SYBU: variants seen among roughly 807,000 people sequenced by gnomAD.
SYBU encodes the protein syntabulin.
In SYBU, 21 loss-of-function variants were observed where a neutral mutation model predicts 35.9. The observed-to-expected ratio is 0.58, with a 90% confidence interval of 0.41 to 0.84. The LOEUF is 0.84. Ranked by LOEUF, SYBU falls within the 40% of genes least tolerant of loss-of-function variation. The pLI, the probability that SYBU is intolerant of heterozygous loss-of-function variation, is 0.00. For synonymous variants in SYBU, 319 were observed against 324.3 expected (o/e 0.98, Z 0.18); for missense variants, 768 against 848.2 (o/e 0.91, Z 1.17).
intron 2 of SYBU, among the ~76,000 whole-genome samples, chr8:109,630,271 C>G (rs10095527): frequency 0.01 from 1,089 of 107,364 alleles, 13 homozygotes; most frequent in African/African-American, 0.034. Flanking sequence ...TGGGGACTGT[C>G]GTGGGGTGGG....
chr8:109,645,633 G>GTTTTTTTTTTTTTTT (rs77642059), upstream of SYBU: 1 of 217,766 alleles, frequency 4.6e-6, no homozygotes, highest in Non-Finnish European at 9.1e-6. Context: ...TTCGTTTTTT[G>GTTTTTTTTTTTTTTT]TTTTTTTTTT....
chr8:109,649,663 C>A (rs1190284531), upstream of SYBU, among the ~76,000 whole-genome samples: 1 of 152,118 alleles, frequency 6.6e-6, no homozygotes, highest in South Asian at 2.1e-4. Flanking sequence ...GAGATAGCCT[C>A]CCCCAAAATG....
chr8:109,691,082 C>CAACCAATCA lies in SYBU; in HGVS notation c.-58+242_-58+250dup, dbSNP rs1023728994. On this transcript the variant is annotated intron_variant, in intron 1 of 7. Transcript: ENST00000422135. This position sits in a 1 kb window ranked among gnomAD's most constrained non-coding sequence, Gnocchi z 4.7. ...AAGGAGTCCAGCCCGACCGTCTCAA[C>CAACCAATCA]AACCAATCAAACCAATCAAACAGGA... Among the ~76,000 whole-genome samples, 1 of 152,206 alleles carries CAACCAATCA rather than the reference C, an allele frequency of 6.6e-6. No individual in the cohort carries two copies. The highest frequency in any genetic ancestry group is 1.5e-5 in the Non-Finnish European group (1 of 68,036).
At chr8:109,658,831 G>A (rs1025449454) in intron 1 of SYBU, among the ~76,000 whole-genome samples, 3 of 152,114 alleles carry the variant, frequency 2.0e-5, no homozygotes, top group Admixed American at 1.3e-4. Context: ...GCGCACGCCT[G>A]TAATCCCAGC....
At chr8:109,653,339 A>G (rs989177957) in intron 1 of SYBU, among the ~76,000 whole-genome samples, 1 of 152,128 alleles carries the variant, frequency 6.6e-6, no homozygotes, top group Non-Finnish European at 1.5e-5. Context: ...ATGGCTTTTG[A>G]AGAAAGTGTA....
chr8:109,629,295 C>T (rs1222157232), intron 2 of SYBU, among the ~76,000 whole-genome samples: 2 of 152,182 alleles, frequency 1.3e-5, no homozygotes, highest in East Asian at 3.8e-4. Context: ...CTAATATTTA[C>T]TGAGTGCCTA....
At chr8:109,689,177 TTGTAAAGATAGTACAGAG>T (rs1455935677) in intron 1 of SYBU, among the ~76,000 whole-genome samples, 2 of 152,180 alleles carry the variant, frequency 1.3e-5, no homozygotes. Context: ...TCACAGGAAG[TTGTAAAGATAGTACAGAG>T]AGATCCCATG....
At chr8:109,689,836 A>ACAGT (rs1817605075) in intron 1 of SYBU, among the ~76,000 whole-genome samples, 1 of 122,862 alleles carries the variant, frequency 8.1e-6, no homozygotes, top group Non-Finnish European at 1.9e-5. Context: ...CAATATGAAA[A>ACAGT]AAAAAAAAAA....
At position 109,604,186 on chromosome 8, in the gene SYBU, A is replaced by T. The variant is rs184793668; in HGVS notation, c.427+14656T>A. ...CTAAAAAATTATTATTAAATATAAC[A>T]TGGTTACCATAACAATAGAATTTAA... On this transcript the variant is annotated intron_variant, in intron 3 of 6. Coordinates refer to ENST00000276646, the MANE Select transcript of SYBU (RefSeq NM_001099754.2). Among the ~76,000 whole-genome samples the T allele has an allele frequency of 1.7e-4, 26 of 151,694 alleles. No individual in the cohort carries two copies. The East Asian group carries it at 4.2e-3, about 25-fold the overall frequency.
rs765052281 is a variant in SYBU, at chr8:109,574,634, AG to A, written c.*271del. On this transcript the variant is annotated 3_prime_UTR_variant, in exon 7 of 7. Transcript: ENST00000276646. Reference sequence around the variant, plus strand: ...CTGCGTTTTCTCTTCCTGAACCACTAGGATAAGAACGGGTACCTCAGACGAC... The same window carrying A: ...CTGCGTTTTCTCTTCCTGAACCACTAGATAAGAACGGGTACCTCAGACGAC... 1 of 337,954 alleles carries A rather than the reference AG, an allele frequency of 3.0e-6. No individual in the cohort carries two copies. Among genetic ancestry groups the A allele is most frequent in the Non-Finnish European group, 5.3e-6 (1 of 187,256 alleles). 20.9% of individuals were successfully genotyped at this position (337,954 alleles called of 1,614,324 possible).
intron 1 of SYBU, among the ~76,000 whole-genome samples, chr8:109,668,043 A>C (rs1418203270): frequency 6.6e-6 from 1 of 151,926 alleles, no homozygotes; most frequent in African/African-American, 2.4e-5. Context: ...TTTTTGGCAA[A>C]AAAGTAGAGT....
At chr8:109,684,475 G>C (rs1817474040), upstream of SYBU, among the ~76,000 whole-genome samples, 2 of 152,284 alleles carry the variant, frequency 1.3e-5, no homozygotes, top group South Asian at 4.1e-4. Flanking sequence ...GGGAAATACT[G>C]TAAGGAAATT....
At position 109,586,492 on chromosome 8, in the gene SYBU, G is replaced by A. The variant is rs538205877; in HGVS notation, c.428-330C>T. On this transcript the variant is annotated intron_variant, in intron 3 of 6. Coordinates refer to ENST00000276646, the MANE Select transcript of SYBU (RefSeq NM_001099754.2). ...TGTGAGGCTCTCACTCCACAACAAC[G>A]GGCTCACCCTATTTCAAGCAAAAGA... 171 of 248,696 alleles carry A rather than the reference G, an allele frequency of 6.9e-4. 1 individual carries two copies. The highest frequency in any genetic ancestry group is 2.1e-3 in the Admixed American group (42 of 20,142). The allele number at this position is 248,696 out of a possible 1,614,324, so 15.4% of individuals were successfully genotyped here.
chr8:109,575,759 T>C lies in SYBU; in HGVS notation c.1139A>G (p.His380Arg). The change falls in exon 7 of 7, where the codon CAC becomes CGC. Residue 380 changes from histidine to arginine, a missense_variant. Physicochemically the swap from His to Arg is conservative, Grantham distance 29. Coordinates refer to ENST00000276646, the MANE Select transcript of SYBU (RefSeq NM_001099754.2). ...CAGTTCGTCCCTCAGAGAGCCACTG[T>C]GTGCCATCTCCATGCTCTGAAGGAG... ...ESLLQSMEMA[H>R]SGSLRDELCL... The C allele has an allele frequency of 6.2e-7, 1 of 1,614,220 alleles. No homozygotes were observed. The highest frequency in any genetic ancestry group is 8.5e-7 in the Non-Finnish European group (1 of 1,180,036).
At chr8:109,634,661 G>A (rs1486558187) in intron 2 of SYBU, among the ~76,000 whole-genome samples, 1 of 152,182 alleles carries the variant, frequency 6.6e-6, no homozygotes, top group Non-Finnish European at 1.5e-5. Context: ...AACTAGGCTA[G>A]GCATGGTGGC....
intron 1 of SYBU, among the ~76,000 whole-genome samples, chr8:109,673,819 C>G (rs1817079698): frequency 6.6e-6 from 1 of 152,080 alleles, no homozygotes; most frequent in African/African-American, 2.4e-5. Context: ...CTAGAATAAC[C>G]AGTTTAGAGA....
At chr8:109,662,250 T>A (rs1816590383) in intron 1 of SYBU, among the ~76,000 whole-genome samples, 1 of 152,184 alleles carries the variant, frequency 6.6e-6, no homozygotes, top group Non-Finnish European at 1.5e-5. Context: ...GCACTATTGT[T>A]ACTTACATCA....
intron 3 of SYBU, among the ~76,000 whole-genome samples, chr8:109,593,359 T>G (rs1279467426): frequency 3.9e-5 from 6 of 152,172 alleles, no homozygotes; most frequent in Admixed American, 3.9e-4. Flanking sequence ...CAAAGTGCAC[T>G]CTGAGAGAAG....
intron 1 of SYBU, among the ~76,000 whole-genome samples, chr8:109,660,674 C>A (rs1452939278): frequency 1.3e-5 from 2 of 152,168 alleles, no homozygotes; most frequent in African/African-American, 4.8e-5. Context: ...TTAATTAATA[C>A]TATTTTCTAC....
Sources: gnomAD v4.1 joint callset for allele counts (sites outside exome capture counted in the v4.1 genomes callset) on GRCh38, gnomAD v4.1.1 for gene constraint, Gnocchi (gnomAD v3.1) non-coding constraint, MANE v1.5 for transcripts, NCBI Gene and HGNC (gene_info 2026-07-23, HGNC 2026-07-21) for gene names.